SGK1: variants seen among roughly 807,000 people sequenced by gnomAD.
SGK1 encodes serine/threonine-protein kinase Sgk1.
A neutral mutation model predicts 64.2 loss-of-function variants in SGK1; 26 were observed. The observed-to-expected ratio is 0.40, with a 90% CI of 0.30 to 0.56. The LOEUF is 0.56. Among genes scored for constraint, SGK1 ranks in the 20% least tolerant of loss-of-function variants. The pLI is 0.38. For missense variants in SGK1, 519 were observed against 645.6 expected (o/e 0.80, Z 2.12); for synonymous variants, 265 against 239.7 (o/e 1.11, Z -0.98).
intron 2 of SGK1, among the ~76,000 whole-genome samples, chr6:134,210,231 A>G (rs1050715815): frequency 1.3e-5 from 2 of 152,242 alleles, no homozygotes; most frequent in Non-Finnish European, 2.9e-5. Context: ...TGGCCTCAGA[A>G]AGAAATCATA....
intron 1 of SGK1, chr6:134,296,938 C>G (rs1270611396): frequency 3.2e-6 from 1 of 307,878 alleles, no homozygotes; most frequent in Admixed American, 5.0e-5. Context: ...AGGGGCCTCC[C>G]TCCTGGGCTC....
Position 134,171,604 on chromosome 6 carries a change from GC to G in SGK1, c.1167+32del, listed in dbSNP as rs138383762. Reference sequence around the variant, plus strand: ...GTGAAGGCAATATTGTAGGGAGCAGGCAGTGTTCCATGGTTCCCAATGTGCC... The same window carrying G: ...GTGAAGGCAATATTGTAGGGAGCAGGAGTGTTCCATGGTTCCCAATGTGCC... On this transcript the variant is annotated intron_variant, in intron 11 of 13. Transcript: ENST00000367858. 5.1e-4 allele frequency: 732 copies of G among 1,438,722 alleles called. 2 individuals carry two copies. In the African/African-American group the frequency reaches 8.9e-3, roughly 18 times the overall value. The allele number at this position is 1,438,722 out of a possible 1,614,324, so 89.1% of individuals were successfully genotyped here.
intron 3 of SGK1, among the ~76,000 whole-genome samples, chr6:134,184,085 T>A (rs909222433): frequency 6.6e-6 from 1 of 152,012 alleles, no homozygotes; most frequent in Non-Finnish European, 1.5e-5. Flanking sequence ...TCTGTTCCCT[T>A]TGCAGGCCAA....
At chr6:134,226,121 AAAAG>A (rs1776172906) in intron 2 of SGK1, among the ~76,000 whole-genome samples, 2 of 151,938 alleles carry the variant, frequency 1.3e-5, no homozygotes, top group South Asian at 4.2e-4. Context: ...CCCTGTCTCA[AAAAG>A]AAAGAAAGGA....
chr6:134,215,456 G>A (rs909883808), intron 2 of SGK1, among the ~76,000 whole-genome samples: 1 of 152,050 alleles, frequency 6.6e-6, no homozygotes, highest in Non-Finnish European at 1.5e-5. Context: ...TCAGAAATAA[G>A]ATGTAGTCTG....
chr6:134,177,545 A>C (rs1775264612), intron 3 of SGK1: 2 of 791,140 alleles, frequency 2.5e-6, no homozygotes, highest in Non-Finnish European at 4.1e-6. Context: ...TCAAACATTA[A>C]ATTAAGAAAC....
intron 1 of SGK1, among the ~76,000 whole-genome samples, chr6:134,288,589 C>T (rs1030416950): frequency 6.6e-6 from 1 of 152,126 alleles, no homozygotes; most frequent in Non-Finnish European, 1.5e-5. Context: ...AAGGGGAACA[C>T]ATGTGAAGGT....
chr6:134,174,887 T>A (rs1775171092), intron 3 of SGK1: 24 of 1,593,398 alleles, frequency 1.5e-5, no homozygotes, highest in Non-Finnish European at 2.0e-5. Flanking sequence ...GCGCTCGGCC[T>A]TATAAAAAAG....
intron 1 of SGK1, among the ~76,000 whole-genome samples, chr6:134,266,976 C>G (rs554052354): frequency 6.6e-6 from 1 of 152,226 alleles, no homozygotes; most frequent in South Asian, 2.1e-4. Flanking sequence ...CTCTGGCTTA[C>G]TTTCAATGTC....
intron 1 of SGK1, among the ~76,000 whole-genome samples, chr6:134,312,198 G>A (rs1409612529): frequency 6.6e-6 from 1 of 152,104 alleles, no homozygotes; most frequent in Non-Finnish European, 1.5e-5. Context: ...CAGTTTCCTT[G>A]GCTATAAAAT....
At chr6:134,239,964 G>A (rs1776417990) in intron 2 of SGK1, among the ~76,000 whole-genome samples, 1 of 152,122 alleles carries the variant, frequency 6.6e-6, no homozygotes, top group Non-Finnish European at 1.5e-5. Flanking sequence ...GGGATGGGAA[G>A]CGAGGACATC....
At chr6:134,209,166 G>A (rs180899699) in intron 2 of SGK1, among the ~76,000 whole-genome samples, 15 of 152,238 alleles carry the variant, frequency 9.9e-5, no homozygotes, top group Middle Eastern at 6.8e-3. Context: ...AGGCGTGGTG[G>A]CTCACCCCTG....
At chr6:134,300,794 G>T (rs556515138) in intron 1 of SGK1, among the ~76,000 whole-genome samples, 4 of 151,380 alleles carry the variant, frequency 2.6e-5, no homozygotes, top group Non-Finnish European at 4.4e-5. Flanking sequence ...CACCACACCC[G>T]GCTAATTTTT....
chr6:134,203,255 A>G (rs772438432), intron 3 of SGK1, among the ~76,000 whole-genome samples: 23 of 152,228 alleles, frequency 1.5e-4, no homozygotes, highest in Non-Finnish European at 3.2e-4. Context: ...AAAAATAAAA[A>G]TAAAAATAAA....
chr6:134,258,329 C>T (rs773435125), intron 2 of SGK1, among the ~76,000 whole-genome samples: 1 of 152,036 alleles, frequency 6.6e-6, no homozygotes. Context: ...TCAAGCCATC[C>T]ACCCCCCTTG....
intron 2 of SGK1, among the ~76,000 whole-genome samples, chr6:134,228,521 C>G (rs890013475): frequency 6.6e-6 from 1 of 152,042 alleles, no homozygotes; most frequent in African/African-American, 2.4e-5. Flanking sequence ...TTAGATATCC[C>G]CAGACTGTAA....
intron 3 of SGK1, among the ~76,000 whole-genome samples, chr6:134,196,503 T>C (rs1401302204): frequency 6.6e-6 from 1 of 152,012 alleles, no homozygotes. Context: ...ATAATAATAA[T>C]TTGCCCAAAG....
intron 1 of SGK1, among the ~76,000 whole-genome samples, chr6:134,308,776 C>G (rs1171499900): frequency 6.6e-6 from 1 of 152,154 alleles, no homozygotes. Flanking sequence ...AGGCTGGTCT[C>G]AAACTCCTGA....
At chr6:134,227,681 T>C (rs1443339645) in intron 2 of SGK1, among the ~76,000 whole-genome samples, 1 of 152,188 alleles carries the variant, frequency 6.6e-6, no homozygotes, top group Non-Finnish European at 1.5e-5. Flanking sequence ...GAAGGTATAA[T>C]TGTCACCATC....
Sources: allele counts gnomAD v4.1 joint callset (sites outside exome capture counted in the v4.1 genomes callset), GRCh38; gene constraint gnomAD v4.1.1; transcripts MANE v1.5; gene names NCBI Gene and HGNC (gene_info 2026-07-23, HGNC 2026-07-21).